CPLANE1: variants seen among roughly 807,000 people sequenced by gnomAD.
The protein encoded by CPLANE1 is ciliogenesis and planar polarity effector 1.
A neutral mutation model predicts 362.5 loss-of-function variants in CPLANE1; 263 were observed. That is an observed-to-expected ratio of 0.73 (90% CI 0.66 to 0.80). The LOEUF is 0.80. Ranked by LOEUF, CPLANE1 falls within the 30% of genes least tolerant of loss-of-function variation. CPLANE1 has a pLI of 0.00. For synonymous variants in CPLANE1, 1,212 were observed against 1,302.6 expected (o/e 0.93, Z 1.50); for missense variants, 3,461 against 3,793.4 (o/e 0.91, Z 2.30).
chr5:37,121,865 C>G, intron 48 of CPLANE1, 81 bp from the exon 49 acceptor site: 1 of 1,128,006 alleles, frequency 8.9e-7, no homozygotes, highest in Non-Finnish European at 1.3e-6. Flanking sequence ...GTTTGAAGAT[C>G]ACCTAGCATG....
intron 38 of CPLANE1, among the ~76,000 whole-genome samples, chr5:37,159,693 A>G (rs1375450009): frequency 3.3e-5 from 5 of 152,204 alleles, no homozygotes; most frequent in African/African-American, 1.2e-4. Flanking sequence ...CCAAAGCTTA[A>G]ATTTAAACCA....
chr5:37,078,433 TTTTA>T, the CPLANE1 span, among the ~76,000 whole-genome samples: 1 of 152,192 alleles, frequency 6.6e-6, no homozygotes, highest in Non-Finnish European at 1.5e-5. Flanking sequence ...GTGTACAGTA[TTTTA>T]TTTGTCCAGT....
At chr5:37,118,755 C>T (rs1761790216) in intron 50 of CPLANE1, among the ~76,000 whole-genome samples, 1 of 151,248 alleles carries the variant, frequency 6.6e-6, no homozygotes, top group South Asian at 2.1e-4. Context: ...CACTCTGTCG[C>T]CAAGCTGGAG....
intron 24 of CPLANE1, 83 bp downstream of exon 24, chr5:37,186,203 C>T: frequency 1.3e-6 from 1 of 752,252 alleles, no homozygotes; most frequent in Non-Finnish European, 2.3e-6. Flanking sequence ...GACACATAAG[C>T]AACAGTAAAT....
In CPLANE1 at chr5:37,180,950, C is replaced by T; in HGVS notation, c.5477G>A (p.Ser1826Asn). Reference protein sequence around the residue: ...CQIGPNIERESKSDAGGSVAV... With the variant: ...CQIGPNIERENKSDAGGSVAV... ...AACTGAACCGCCAGCATCTGATTTG[C>T]TCTCCCTCTCAATATTGGGTCCAAT... The change falls in exon 27 of 53, where the codon AGC (serine) becomes AAC (asparagine). Residue 1826 changes from serine to asparagine, a missense_variant. Transcript: ENST00000651892. 3 of 1,613,948 alleles carry T rather than the reference C, an allele frequency of 1.9e-6. No individual in the cohort carries two copies. Among genetic ancestry groups the T allele is most frequent in the Non-Finnish European group, 2.5e-6 (3 of 1,179,862 alleles).
rs1003389042 is a variant in CPLANE1 at position 37,196,734 on chromosome 5, G to A, written c.3673-738C>T. ...TTGACGTCAAGTTTGAGCCCAGCCC[G>A]GCCAACATGGTGAAACTCCATCTCT... On this transcript the variant is annotated intron_variant, in intron 20 of 52. Coordinates refer to ENST00000651892, the MANE Select transcript of CPLANE1 (RefSeq NM_001384732.1). Among the ~76,000 whole-genome samples the A allele has an allele frequency of 4.6e-5, 7 of 152,062 alleles. No homozygotes were observed. In the South Asian group the frequency reaches 6.2e-4, roughly 14 times the overall value.
chr5:37,088,336 C>T, the CPLANE1 span, among the ~76,000 whole-genome samples: 5 of 152,144 alleles, frequency 3.3e-5, no homozygotes, highest in Non-Finnish European at 7.3e-5. Context: ...CTTCTATGAG[C>T]GTGTCAGCTG....
At position 37,114,974 on chromosome 5, in the gene CPLANE1, A is replaced by G. The variant is rs1347117644; in HGVS notation, c.9386T>C (p.Val3129Ala). The G allele has an allele frequency of 1.2e-5, 20 of 1,606,868 alleles. No individual in the cohort carries two copies. Among genetic ancestry groups the G allele is most frequent in the African/African-American group, 5.4e-5 (4 of 74,752 alleles). The change falls in exon 51 of 53, where the codon GTT becomes GCT. Residue 3129 changes from valine (V) to alanine (A), a missense_variant. By Grantham distance (64) the Val-to-Ala change is moderately conservative. Transcript: ENST00000651892. ...TTATCCCTTACCTTTTTGGAAGGTA[A>G]CTGGAGACTGCGTAGCCTTTCTTAC... The part of the protein sequence containing the change: ...AAVRKATQSP[V>A]TFQKGSNAPC...
At chr5:37,208,678 C>T (rs868292112) in intron 16 of CPLANE1, among the ~76,000 whole-genome samples, 2 of 103,360 alleles carry the variant, frequency 1.9e-5, no homozygotes, top group Non-Finnish European at 3.8e-5. Context: ...CTCTGTCTCC[C>T]CCCCCCCCCA....
At chr5:37,109,382 T>C (rs1042501946) in intron 51 of CPLANE1, among the ~76,000 whole-genome samples, 1 of 152,206 alleles carries the variant, frequency 6.6e-6, no homozygotes, top group Non-Finnish European at 1.5e-5. Context: ...TTCAGTCCCT[T>C]GAACTTACCA....
intron 39 of CPLANE1, 23 bp from the exon 40 acceptor site, chr5:37,157,891 A>G: frequency 6.8e-7 from 1 of 1,466,052 alleles, no homozygotes; most frequent in South Asian, 1.2e-5. Flanking sequence ...ACATAAAACC[A>G]AAGAGGGTTA....
chr5:37,121,772 A>G lies in CPLANE1; in HGVS notation c.9030T>C (p.Ser3010=). 3 of 1,613,646 alleles carry G rather than the reference A, an allele frequency of 1.9e-6. No homozygotes were observed. Among genetic ancestry groups the G allele is most frequent in the Non-Finnish European group, 1.7e-6 (2 of 1,179,580 alleles). ...MKHEKDRLLL[S]EHYSRRISQA... is the part of the protein sequence containing the mutation. ...GTGAGATTCGACGACTATAGTGTTC[A>G]GAGAGCAGCAATCTGTAGACAAAGA... Residue 3010 remains serine, a synonymous_variant, in exon 49 of 53, where the codon TCT becomes TCC. Coordinates refer to ENST00000651892, the MANE Select transcript of CPLANE1 (RefSeq NM_001384732.1).
intron 46 of CPLANE1, among the ~76,000 whole-genome samples, chr5:37,129,688 C>T (rs990060158): frequency 1.3e-5 from 2 of 151,992 alleles, no homozygotes; most frequent in Admixed American, 6.6e-5. Context: ...AATAAAAAAC[C>T]ACAATGCAAT....
chr5:37,090,984 C>T, the CPLANE1 span, among the ~76,000 whole-genome samples: 14 of 152,308 alleles, frequency 9.2e-5, no homozygotes, highest in South Asian at 2.7e-3. Flanking sequence ...TGGCAACGAA[C>T]AAGACCTACA....
At position 37,127,047 on chromosome 5, in the gene CPLANE1, G is replaced by T. The variant is rs565753056; in HGVS notation, c.8793-1638C>A. 8.5e-5 allele frequency among the ~76,000 whole-genome samples: 13 copies of T among 152,288 alleles called. No homozygotes were observed. In the South Asian group the frequency reaches 1.9e-3, roughly 22 times the overall value. Reference sequence around the variant, plus strand: ...CAGGCACTGAATTTCTAATGGGCTTGCCTGGTAGACATTTCACACATGTTG... The same window carrying T: ...CAGGCACTGAATTTCTAATGGGCTTTCCTGGTAGACATTTCACACATGTTG... On this transcript the variant is annotated intron_variant, in intron 46 of 52. Coordinates refer to ENST00000651892, the MANE Select transcript of CPLANE1 (RefSeq NM_001384732.1).
At chr5:37,238,534 G>C (rs1581004053) in intron 8 of CPLANE1, among the ~76,000 whole-genome samples, 1 of 111,552 alleles carries the variant, frequency 9.0e-6, no homozygotes, top group Non-Finnish European at 1.7e-5. Context: ...TTGCTCTGTT[G>C]CTCAGACTGG....
Position 37,153,620 on chromosome 5 carries a change from C to G in CPLANE1, c.8373+120G>C, listed in dbSNP as rs544092729. 1.2e-5 allele frequency: 12 copies of G among 1,025,874 alleles called. No homozygotes were observed. The South Asian group carries it at 1.8e-4, about 16-fold the overall frequency. The allele number at this position is 1,025,874 out of a possible 1,614,324, so 63.5% of individuals were successfully genotyped here. ...TGTCAATAGTGCTGAGGTTGACAAA[C>G]CCTAGCTTAAAGAAAACAAAGTTCT... On this transcript the variant is annotated intron_variant, in intron 42 of 52. Coordinates refer to ENST00000651892, the MANE Select transcript of CPLANE1 (RefSeq NM_001384732.1).
At chr5:37,201,996 C>A (rs1046835590) in intron 18 of CPLANE1, among the ~76,000 whole-genome samples, 188 bp from the exon 19 acceptor site, 1 of 151,972 alleles carries the variant, frequency 6.6e-6, no homozygotes, top group Admixed American at 6.6e-5. Context: ...ATAGGTAAGA[C>A]CATGAGACAT....
intron 12 of CPLANE1, among the ~76,000 whole-genome samples, chr5:37,225,661 G>A (rs1796303444): frequency 6.6e-6 from 1 of 152,038 alleles, no homozygotes; most frequent in African/African-American, 2.4e-5. Flanking sequence ...AGATCAGCCT[G>A]GCCAACATGG....
Sources: allele counts gnomAD v4.1 joint callset (sites outside exome capture counted in the v4.1 genomes callset), GRCh38; gene constraint gnomAD v4.1.1; transcripts MANE v1.5; gene names NCBI Gene and HGNC (gene_info 2026-07-23, HGNC 2026-07-21).